The following INO80 variants were observed in gnomAD, a reference collection of about 807,000 sequenced individuals.
INO80 encodes chromatin-remodeling ATPase INO80.
Under a neutral mutation model 203.4 loss-of-function variants are expected in INO80, and 20 were observed. The observed-to-expected ratio is 0.10, with a 90% CI of 0.07 to 0.14. The LOEUF (loss-of-function observed/expected upper bound fraction) is 0.14. Among genes scored for constraint, INO80 ranks in the 10% least tolerant of loss-of-function variants. The pLI, the probability that INO80 is intolerant of heterozygous loss-of-function variation, is 1.00. For missense variants in INO80, 1,419 were observed against 1,914.4 expected, an observed-to-expected ratio of 0.74 and a Z score of 4.83; for synonymous variants, 726 against 685.2, an observed-to-expected ratio of 1.06 and a Z score of -0.93.
intron 1 of INO80, among the ~76,000 whole-genome samples, chr15:41,111,902 A>T (rs1292949993): frequency 6.6e-6 from 1 of 152,104 alleles, no homozygotes; most frequent in Non-Finnish European, 1.5e-5. Context: ...AAGATACATT[A>T]AAAAATGTTA....
chr15:40,999,300 C>A (rs2043925628), intron 28 of INO80: 1 of 152,202 alleles, frequency 6.6e-6, no homozygotes, highest in African/African-American at 2.4e-5. Flanking sequence ...AGTCACTTGA[C>A]TGCTGACAGT....
At chr15:41,084,197 T>TAAA (rs781522112) in intron 7 of INO80, among the ~76,000 whole-genome samples, 2 of 131,980 alleles carry the variant, frequency 1.5e-5, no homozygotes, top group Non-Finnish European at 1.7e-5. Flanking sequence ...GCAACTTCTT[T>TAAA]AAAAAAAAAA....
In INO80 at chr15:41,107,799, C is replaced by CAATA. The variant is rs985716052; in HGVS notation, c.-44+8170_-44+8173dup. The stretch of plus-strand genomic sequence containing the variant: ...TGGGCAACAGAGCGAGACTATGTCT[C>CAATA]AATAAATAAATAAATAAATAGGCCG... On this transcript the variant is annotated intron_variant, in intron 1 of 35. Coordinates refer to ENST00000648947, the MANE Select transcript of INO80 (RefSeq NM_017553.3). Among the ~76,000 whole-genome samples the CAATA allele has an allele frequency of 1.1e-4, 16 of 150,940 alleles. 1 individual carries two copies. Among genetic ancestry groups the CAATA allele is most frequent in the African/African-American group, 2.4e-4 (10 of 41,088 alleles).
At chr15:41,089,694 G>A (rs1288875252) in intron 5 of INO80, among the ~76,000 whole-genome samples, 1 of 150,250 alleles carries the variant, frequency 6.7e-6, no homozygotes, top group Non-Finnish European at 1.5e-5. Flanking sequence ...AGTGAGCCGA[G>A]ATCACGCCAT....
chr15:41,115,905 CAG>C (rs1000632504), intron 1 of INO80, 66 bp downstream of exon 1: 43 of 380,516 alleles, frequency 1.1e-4, no homozygotes, highest in Non-Finnish European at 1.5e-4. Flanking sequence ...TTGTCGCCCG[CAG>C]AGAGGGGCGC....
At chr15:40,988,993 C>A (rs1455474629) in intron 29 of INO80, among the ~76,000 whole-genome samples, 1 of 147,958 alleles carries the variant, frequency 6.8e-6, no homozygotes, top group Admixed American at 6.8e-5. Context: ...CCAGCCTGGG[C>A]GACACAGTGA....
rs1437396585 is a variant in INO80, at chr15:41,079,817, G to C, written c.1015C>G (p.Leu339Val). Residue 339 changes from leucine to valine, a missense_variant, in exon 9 of 36, where the codon CTC becomes GTC. Around this residue, in one of 9 missense-constraint regions of INO80, gnomAD observed 87 missense variants for 150.5 expected, o/e 0.58. Coordinates refer to ENST00000648947, the MANE Select transcript of INO80 (RefSeq NM_017553.3). ...CAGTACAGAAGCATCTCCTTGGTGA[G>C]GCGGCGGGCACGAGGCAAGGTTTCC... Reference protein sequence around the residue: ...CKETLPRARRLTKEMLLYWKK... With the variant: ...CKETLPRARRVTKEMLLYWKK... The C allele has an allele frequency of 1.9e-6, 3 of 1,613,974 alleles. No individual in the cohort carries two copies. Among genetic ancestry groups the C allele is most frequent in the Non-Finnish European group, 2.5e-6 (3 of 1,180,030 alleles).
chr15:40,988,030 A>G, intron 29 of INO80, 56 bp from the exon 30 acceptor site: 3 of 1,469,826 alleles, frequency 2.0e-6, no homozygotes, highest in Non-Finnish European at 9.4e-7. Context: ...AGAAATTCTG[A>G]GAGCAACCCA....
At chr15:40,988,701 G>A (rs1258491040) in intron 29 of INO80, among the ~76,000 whole-genome samples, 1 of 152,164 alleles carries the variant, frequency 6.6e-6, no homozygotes, top group Non-Finnish European at 1.5e-5. Context: ...CCAACATAGT[G>A]AATCCCCATC....
chr15:41,085,282 A>G, intron 7 of INO80, 87 bp downstream of exon 7: 1 of 1,127,518 alleles, frequency 8.9e-7, no homozygotes, highest in South Asian at 1.4e-5. Context: ...CCTATCTGTG[A>G]AAGTATCTAG....
chr15:41,001,320 C>T (rs547988112), intron 28 of INO80, among the ~76,000 whole-genome samples: 4 of 152,228 alleles, frequency 2.6e-5, no homozygotes, highest in African/African-American at 9.6e-5. Context: ...ACAGCAAAGA[C>T]ATGTGTAGGT....
At chr15:40,987,276 C>A in intron 30 of INO80, 83 bp from the exon 31 acceptor site, 1 of 810,908 alleles carries the variant, frequency 1.2e-6, no homozygotes, top group South Asian at 1.5e-5. Context: ...ACATCGTTCT[C>A]AACCCACTCC....
At chr15:41,033,712 G>A (rs990472787) in intron 24 of INO80, among the ~76,000 whole-genome samples, 5 of 152,020 alleles carry the variant, frequency 3.3e-5, no homozygotes, top group African/African-American at 1.2e-4. Context: ...CATAAGAGAA[G>A]GAAATCTCTG....
At chr15:41,008,254 C>CACACACACACACACACACAG (rs1383489040) in intron 27 of INO80, among the ~76,000 whole-genome samples, 1 of 143,490 alleles carries the variant, frequency 7.0e-6, no homozygotes, top group African/African-American at 2.5e-5. Flanking sequence ...CACACACACA[C>CACACACACACACACACACAG]GAATATTATT....
At chr15:41,059,100 T>C (rs1252857278) in intron 15 of INO80, among the ~76,000 whole-genome samples, 4 of 151,900 alleles carry the variant, frequency 2.6e-5, no homozygotes, top group Non-Finnish European at 4.4e-5. Flanking sequence ...TACAGGCATA[T>C]ACCACCATGC....
rs145922623 is a variant in INO80 at position 41,047,848 on chromosome 15, T to C, written c.2642-347A>G. Among the ~76,000 whole-genome samples, 13 of 152,264 alleles carry C rather than the reference T, an allele frequency of 8.5e-5. No homozygotes were observed. In the East Asian group the frequency reaches 2.1e-3, roughly 25 times the overall value. On this transcript the variant is annotated intron_variant, in intron 22 of 35. Coordinates refer to ENST00000648947, the MANE Select transcript of INO80 (RefSeq NM_017553.3). ...AGGTTCTGAACCTTGGCCTTAATAT[T>C]TTGGACAATGAGCAAAGCTGAGTAG... is the stretch of plus-strand genomic sequence containing the variant.
rs1566918995 is a variant in INO80, at chr15:41,031,544, G to GGGA, written c.2908-3809_2908-3808insTCC. On this transcript the variant is annotated intron_variant, in intron 24 of 35. Coordinates refer to ENST00000648947, the MANE Select transcript of INO80 (RefSeq NM_017553.3). ...AGGGAGGAAGGAGAAGGGAGGAAGG[G>GGGA]AGGAGGGAGGAAGGGAGGAAGGGAG... is the stretch of plus-strand genomic sequence containing the variant. 2.0e-3 allele frequency among the ~76,000 whole-genome samples: 11 copies of GGGA among 5,418 alleles called. 2 individuals carry two copies. Among genetic ancestry groups the GGGA allele is most frequent in the Non-Finnish European group, 3.0e-3 (4 of 1,338 alleles). The allele number at this position is 5,418 out of a possible 152,430, so 3.6% of individuals were successfully genotyped here.
Position 41,033,865 on chromosome 15 carries a change from C to T in INO80, c.2908-6129G>A, listed in dbSNP as rs191138929. Among the ~76,000 whole-genome samples, 381 of 151,954 alleles carry T rather than the reference C, an allele frequency of 2.5e-3. 1 individual carries two copies. Among genetic ancestry groups the T allele is most frequent in the Non-Finnish European group, 4.3e-3 (289 of 67,934 alleles). On this transcript the variant is annotated intron_variant, in intron 24 of 35. Coordinates refer to ENST00000648947, the MANE Select transcript of INO80 (RefSeq NM_017553.3). ...AGGAGATCAAGACCATCCTGGCTAA[C>T]GCTAGAGTAGAAACCCTATCTCTAC...
chr15:40,985,440 G>C lies in INO80; in HGVS notation c.3833-14C>G, dbSNP rs1433763718. 1.9e-6 allele frequency: 3 copies of C among 1,594,230 alleles called. No individual in the cohort carries two copies. Among genetic ancestry groups the C allele is most frequent in the African/African-American group, 1.3e-5 (1 of 74,434 alleles). On this transcript the variant is annotated splice_polypyrimidine_tract_variant and intron_variant, in intron 31 of 35. Transcript: ENST00000648947. Reference sequence around the variant, plus strand: ...GCCGCAGCCTCACTATCAAGAAAATGAATTAAGACCTGATGAAGTACCTGT... The same window carrying C: ...GCCGCAGCCTCACTATCAAGAAAATCAATTAAGACCTGATGAAGTACCTGT...
Sources: gnomAD v4.1 joint callset for allele counts (sites outside exome capture counted in the v4.1 genomes callset) on GRCh38, gnomAD v4.1.1 for gene constraint, gnomAD v4.1.1 regional missense constraint, MANE v1.5 for transcripts, NCBI Gene and HGNC (gene_info 2026-07-23, HGNC 2026-07-21) for gene names.